Variants in ZNF804A observed in about 807,000 individuals in gnomAD.
ZNF804A encodes zinc finger protein 804A.
In ZNF804A, 2 loss-of-function variants were observed where a neutral mutation model predicts 16.5. The observed-to-expected ratio is 0.12, with a 90% CI of 0.05 to 0.38. ZNF804A has a LOEUF of 0.38. ZNF804A is among the 10% of genes least tolerant of loss of function. ZNF804A has a pLI of 0.99. For synonymous variants in ZNF804A, 534 were observed against 489.6 expected (o/e 1.09, Z -1.20); for missense variants, 1,473 against 1,390.7 (o/e 1.06, Z -0.94).
chr2:184,742,967 C>T (rs975527426), intron 1 of ZNF804A, among the ~76,000 whole-genome samples: 1 of 151,860 alleles, frequency 6.6e-6, no homozygotes, highest in African/African-American at 2.4e-5. Flanking sequence ...TTACTCTCAG[C>T]CAGTCTGTCA....
intron 2 of ZNF804A, among the ~76,000 whole-genome samples, chr2:184,892,640 T>TG (rs1450902934): frequency 2.0e-5 from 3 of 151,894 alleles, no homozygotes; most frequent in Non-Finnish European, 4.4e-5. Flanking sequence ...CGCGCCACCA[T>TG]GCCCGGCTAA....
At chr2:184,724,612 T>G (rs1693374739) in intron 1 of ZNF804A, among the ~76,000 whole-genome samples, 1 of 151,834 alleles carries the variant, frequency 6.6e-6, no homozygotes, top group Admixed American at 6.6e-5. Context: ...TAATAGTCAC[T>G]CTGTTATTGG....
intron 2 of ZNF804A, among the ~76,000 whole-genome samples, chr2:184,868,428 A>C (rs1361932689): frequency 6.6e-6 from 1 of 152,066 alleles, no homozygotes; most frequent in Admixed American, 6.6e-5. Context: ...ACTTTGAATG[A>C]AGTAGAGGGG....
chr2:184,680,636 A>G (rs751744524), intron 1 of ZNF804A, among the ~76,000 whole-genome samples: 1 of 152,220 alleles, frequency 6.6e-6, no homozygotes, highest in Non-Finnish European at 1.5e-5. Flanking sequence ...CTGTATTGTC[A>G]CTCAATAAAA....
intron 1 of ZNF804A, among the ~76,000 whole-genome samples, chr2:184,675,706 T>C (rs925967153): frequency 7.2e-5 from 11 of 151,822 alleles, no homozygotes; most frequent in African/African-American, 2.4e-4. Flanking sequence ...AGATATTTAA[T>C]AATATTCTGA....
intron 1 of ZNF804A, among the ~76,000 whole-genome samples, chr2:184,696,352 T>C (rs1030105474): frequency 6.6e-6 from 1 of 152,112 alleles, no homozygotes; most frequent in Non-Finnish European, 1.5e-5. Context: ...AAATCTCATG[T>C]ATGTAGAATC....
At chr2:184,600,960 A>G (rs1487104047) in intron 1 of ZNF804A, among the ~76,000 whole-genome samples, 1 of 152,182 alleles carries the variant, frequency 6.6e-6, no homozygotes, top group African/African-American at 2.4e-5. Context: ...ATAGACAAAC[A>G]TCAGAAAGAA....
At chr2:184,649,617 A>G (rs1409573303) in intron 1 of ZNF804A, among the ~76,000 whole-genome samples, 1 of 152,022 alleles carries the variant, frequency 6.6e-6, no homozygotes, top group Non-Finnish European at 1.5e-5. Flanking sequence ...GAAATACAAA[A>G]GATCCTCAGA....
intron 1 of ZNF804A, among the ~76,000 whole-genome samples, chr2:184,791,981 G>C (rs1694551386): frequency 1.3e-5 from 2 of 152,098 alleles, no homozygotes; most frequent in Non-Finnish European, 2.9e-5. Context: ...GTTCCTAAAT[G>C]TCTTTTCATC....
chr2:184,896,075 G>C (rs1304029529), intron 2 of ZNF804A, among the ~76,000 whole-genome samples: 1 of 151,912 alleles, frequency 6.6e-6, no homozygotes, highest in African/African-American at 2.4e-5. Context: ...TATTTGCCAC[G>C]TGTTTTTTTT....
chr2:184,690,453 T>C (rs1692709802), intron 1 of ZNF804A, among the ~76,000 whole-genome samples: 1 of 152,044 alleles, frequency 6.6e-6, no homozygotes, highest in Non-Finnish European at 1.5e-5. Context: ...AATAATCTGA[T>C]AAACTACAAG....
intron 1 of ZNF804A, among the ~76,000 whole-genome samples, chr2:184,761,350 T>C (rs1055662229): frequency 6.6e-6 from 1 of 152,144 alleles, no homozygotes; most frequent in East Asian, 1.9e-4. Context: ...TCTCTTTCTT[T>C]GAATTTCAGG....
chr2:184,623,748 C>T (rs556962473), intron 1 of ZNF804A, among the ~76,000 whole-genome samples: 2 of 152,238 alleles, frequency 1.3e-5, no homozygotes, highest in South Asian at 4.1e-4. Context: ...GCCACATTAA[C>T]AAACACACAC....
chr2:184,842,490 G>A (rs1695452783), intron 1 of ZNF804A, among the ~76,000 whole-genome samples: 2 of 151,468 alleles, frequency 1.3e-5, no homozygotes, highest in African/African-American at 2.4e-5. Context: ...CCTCAGCAAG[G>A]TGATTTCCTT....
At chr2:184,794,968 A>C (rs1033836266) in intron 1 of ZNF804A, among the ~76,000 whole-genome samples, 10 of 152,202 alleles carry the variant, frequency 6.6e-5, no homozygotes, top group Non-Finnish European at 1.3e-4. Flanking sequence ...CAACACAATA[A>C]TAGTGGGGGA....
At chr2:184,816,299 G>T (rs1212694549) in intron 1 of ZNF804A, among the ~76,000 whole-genome samples, 3 of 151,932 alleles carry the variant, frequency 2.0e-5, no homozygotes, top group Non-Finnish European at 4.4e-5. Context: ...TGGGAATTGG[G>T]CTCTCCCTCC....
intron 1 of ZNF804A, among the ~76,000 whole-genome samples, chr2:184,707,477 T>C (rs1574172723): frequency 6.6e-6 from 1 of 152,108 alleles, no homozygotes; most frequent in East Asian, 1.9e-4. Context: ...TGTGTATTAT[T>C]GCCATCTTTA....
chr2:184,688,528 G>A (rs1179219026), intron 1 of ZNF804A, among the ~76,000 whole-genome samples: 1 of 151,986 alleles, frequency 6.6e-6, no homozygotes, highest in East Asian at 1.9e-4. Flanking sequence ...CACTTAAACT[G>A]AGAGATAGGA....
chr2:184,892,471 C>CATTGTTGTG (rs1167055646), intron 2 of ZNF804A, among the ~76,000 whole-genome samples: 2 of 140,528 alleles, frequency 1.4e-5, no homozygotes, highest in Non-Finnish European at 3.1e-5. Flanking sequence ...CTATTCCTCA[C>CATTGTTGTG]ATTGTTGTGT....
Sources: gnomAD v4.1 joint callset for allele counts (sites outside exome capture counted in the v4.1 genomes callset) on GRCh38, gnomAD v4.1.1 for gene constraint, MANE v1.5 for transcripts, NCBI Gene and HGNC (gene_info 2026-07-23, HGNC 2026-07-21) for gene names.